PIP5K1B: variants seen among roughly 807,000 people sequenced by gnomAD.
PIP5K1B encodes phosphatidylinositol 4-phosphate 5-kinase type-1 beta.
In PIP5K1B, 42 loss-of-function variants were observed where a neutral mutation model predicts 67.0. The ratio of observed to expected loss-of-function variants is 0.63; its 90% CI spans 0.49 to 0.81. PIP5K1B has a LOEUF of 0.81. PIP5K1B is among the 30% of genes least tolerant of loss of function. The probability of loss-of-function intolerance (pLI) is 0.00; values close to 1 mark genes in which losing one functional copy is unlikely to be tolerated. For missense variants in PIP5K1B, 459 were observed against 646.3 expected (o/e 0.71, Z 3.14); for synonymous variants, 214 against 231.4 (o/e 0.92, Z 0.68).
chr9:68,862,973 G>T (rs1226349137), intron 4 of PIP5K1B, among the ~76,000 whole-genome samples: 13 of 151,956 alleles, frequency 8.6e-5, no homozygotes, highest in Non-Finnish European at 1.8e-4. Flanking sequence ...GTGGGGATGG[G>T]TCTTAGATTT....
chr9:68,901,858 A>G, intron 8 of PIP5K1B, among the ~76,000 whole-genome samples: 1 of 152,220 alleles, frequency 6.6e-6, no homozygotes, highest in East Asian at 1.9e-4. Context: ...TTTTATTGTG[A>G]GAACAGAAAT....
intron 12 of PIP5K1B, among the ~76,000 whole-genome samples, chr9:68,927,266 C>T (rs1256223252): frequency 1.3e-5 from 2 of 152,134 alleles, no homozygotes; most frequent in Non-Finnish European, 2.9e-5. Context: ...CATGTATTTT[C>T]ATTTCTTCTG....
intron 14 of PIP5K1B, chr9:68,963,336 C>G (rs1828847921): frequency 2.5e-6 from 1 of 407,300 alleles, no homozygotes; most frequent in Non-Finnish European, 4.9e-6. Flanking sequence ...AACCCCATCT[C>G]TACTAAAAAT....
chr9:68,963,504 G>GA (rs5898052), intron 14 of PIP5K1B, among the ~76,000 whole-genome samples: 2 of 144,010 alleles, frequency 1.4e-5, no homozygotes, highest in South Asian at 2.2e-4. Context: ...CTCTGTCTCA[G>GA]AAAAAAAAAA....
intron 6 of PIP5K1B, 93 bp from the exon 7 acceptor site, chr9:68,888,888 C>A: frequency 2.4e-6 from 2 of 837,898 alleles, no homozygotes; most frequent in Non-Finnish European, 3.8e-6. Context: ...CTTGTTTCAA[C>A]ATAGCTAAGA....
intron 14 of PIP5K1B, among the ~76,000 whole-genome samples, chr9:68,967,002 A>G (rs1438935566): frequency 6.6e-6 from 1 of 152,226 alleles, no homozygotes; most frequent in African/African-American, 2.4e-5. Flanking sequence ...TATGCAGATC[A>G]CATTTTCACC....
At chr9:68,853,338 G>C (rs1375061802) in intron 4 of PIP5K1B, among the ~76,000 whole-genome samples, 1 of 152,172 alleles carries the variant, frequency 6.6e-6, no homozygotes, top group East Asian at 1.9e-4. Flanking sequence ...CTCTATGAAA[G>C]GGCCTGGCTG....
At chr9:68,859,552 T>G (rs1433758193) in intron 4 of PIP5K1B, among the ~76,000 whole-genome samples, 1 of 152,232 alleles carries the variant, frequency 6.6e-6, no homozygotes, top group Non-Finnish European at 1.5e-5. Flanking sequence ...GCAGTAGTCC[T>G]GTCCTAGCAC....
At chr9:68,817,887 T>G (rs1833534618) in intron 2 of PIP5K1B, among the ~76,000 whole-genome samples, 1 of 152,096 alleles carries the variant, frequency 6.6e-6, no homozygotes, top group African/African-American at 2.4e-5. Flanking sequence ...CTCTCTACAT[T>G]TTTAAATTGA....
At chr9:68,956,538 G>A (rs1471450029) in intron 14 of PIP5K1B, among the ~76,000 whole-genome samples, 2 of 152,156 alleles carry the variant, frequency 1.3e-5, no homozygotes, top group African/African-American at 2.4e-5. Flanking sequence ...TCAGGAAGTG[G>A]CCCCATTACT....
intron 8 of PIP5K1B, among the ~76,000 whole-genome samples, chr9:68,909,083 T>C (rs1161506051): frequency 6.6e-6 from 1 of 152,216 alleles, no homozygotes; most frequent in East Asian, 1.9e-4. Flanking sequence ...TTCTCTGCCA[T>C]CTCTAGCTCA....
At chr9:68,708,009 C>A (rs1292054916) in intron 1 of PIP5K1B, 1 of 152,128 alleles carries the variant, frequency 6.6e-6, no homozygotes, top group African/African-American at 2.4e-5. Context: ...GACCTTTGTA[C>A]CCCACATCAC....
intron 1 of PIP5K1B, among the ~76,000 whole-genome samples, chr9:68,717,985 A>G (rs931234724): frequency 1.3e-5 from 2 of 152,150 alleles, no homozygotes; most frequent in Non-Finnish European, 2.9e-5. Flanking sequence ...AAGGGCAGAG[A>G]CCTGCAATTT....
intron 5 of PIP5K1B, among the ~76,000 whole-genome samples, chr9:68,867,482 T>C (rs1823416585): frequency 6.6e-6 from 1 of 152,258 alleles, no homozygotes; most frequent in African/African-American, 2.4e-5. Context: ...ATGGAGGTGC[T>C]ATTGGCTTTG....
At chr9:68,708,273 G>A (rs956862458) in intron 1 of PIP5K1B, 1 of 152,016 alleles carries the variant, frequency 6.6e-6, no homozygotes, top group Admixed American at 6.6e-5. Flanking sequence ...TTTGCATAAA[G>A]TAAGTGCTCA....
At chr9:68,917,449 G>GGAGCT in intron 8 of PIP5K1B, 99 bp from the exon 9 acceptor site, 2 of 831,182 alleles carry the variant, frequency 2.4e-6, no homozygotes. Flanking sequence ...AGGAATAACA[G>GGAGCT]GAGCTGTGTG....
chr9:68,965,845 A>AT (rs1398593866), intron 14 of PIP5K1B, among the ~76,000 whole-genome samples: 1 of 151,948 alleles, frequency 6.6e-6, no homozygotes, highest in Non-Finnish European at 1.5e-5. Context: ...TACCTGGCAC[A>AT]TACCTGTAAT....
At chr9:68,810,642 G>T (rs966200075) in intron 2 of PIP5K1B, among the ~76,000 whole-genome samples, 1 of 152,068 alleles carries the variant, frequency 6.6e-6, no homozygotes, top group Non-Finnish European at 1.5e-5. Flanking sequence ...GAGTTTTATG[G>T]CCCTAGTTGG....
intron 1 of PIP5K1B, among the ~76,000 whole-genome samples, chr9:68,718,970 A>G (rs768626776): frequency 7.2e-5 from 11 of 152,182 alleles, no homozygotes; most frequent in Non-Finnish European, 1.2e-4. Context: ...ATAGAGTCAT[A>G]TTATCCATTG....
Sources: gnomAD v4.1 joint callset for allele counts (sites outside exome capture counted in the v4.1 genomes callset) on GRCh38, gnomAD v4.1.1 for gene constraint, MANE v1.5 for transcripts, NCBI Gene and HGNC (gene_info 2026-07-23, HGNC 2026-07-21) for gene names.